Variants in CGNL1 observed in about 807,000 individuals in gnomAD.
CGNL1 encodes the protein cingulin-like protein 1.
CGNL1 carries 132 observed loss-of-function variants against 141.2 expected under a neutral mutation model. The observed-to-expected ratio is 0.93, with a 90% CI of 0.81 to 1.08. The LOEUF (loss-of-function observed/expected upper bound fraction) is 1.08, where lower values mean the gene tolerates loss of function less well. Ranked by LOEUF, CGNL1 falls within the 50% of genes least tolerant of loss-of-function variation. The pLI is 0.00. For synonymous variants in CGNL1, 690 were observed against 622.1 expected (o/e 1.11, Z -1.63); for missense variants, 1,870 against 1,588.6 (o/e 1.18, Z -3.01).
chr15:57,423,841 T>G (rs1664432), intron 1 of CGNL1, among the ~76,000 whole-genome samples: 148,865 of 152,230 alleles, frequency 0.98, 72,869 homozygotes, highest in Middle Eastern at 1. Flanking sequence ...TGATGATTCA[T>G]TGGATCTCGG....
chr15:57,399,441 C>G (rs1171094534), intron 1 of CGNL1, among the ~76,000 whole-genome samples: 3 of 151,648 alleles, frequency 2.0e-5, no homozygotes, highest in African/African-American at 7.3e-5. Context: ...CAATTTTGGG[C>G]TTTGTATTAT....
intron 8 of CGNL1, among the ~76,000 whole-genome samples, chr15:57,471,159 C>T (rs1023979091): frequency 7.2e-5 from 11 of 152,268 alleles, no homozygotes; most frequent in South Asian, 2.1e-4. Flanking sequence ...ATTTCCAGAG[C>T]GTAGGAGCTC....
chr15:57,435,744 C>A (rs547244655), intron 1 of CGNL1, among the ~76,000 whole-genome samples: 77 of 152,142 alleles, frequency 5.1e-4, no homozygotes, highest in Middle Eastern at 3.4e-3. Flanking sequence ...AGCCCCAAGA[C>A]AGAACAGAGA....
chr15:57,449,421 T>A (rs924101801), intron 4 of CGNL1, among the ~76,000 whole-genome samples: 8 of 152,226 alleles, frequency 5.3e-5, no homozygotes, highest in Non-Finnish European at 1.2e-4. Flanking sequence ...CAGAATAGTT[T>A]TAGGTTCTCA....
In CGNL1 at chr15:57,438,050, C is replaced by G. The variant is rs769742701; in HGVS notation, c.51C>G (p.Val17=). The G allele has an allele frequency of 2.0e-5, 32 of 1,613,914 alleles. No individual in the cohort carries two copies. Among genetic ancestry groups the G allele is most frequent in the Non-Finnish European group, 2.6e-5 (31 of 1,179,976 alleles). ...EYQHVQQEYG[V]HLRLASDDTQ... is the part of the protein sequence containing the mutation. ...AACATGTGCAGCAGGAATATGGGGT[C>G]CATCTGAGACTCGCAAGTGATGATA... The change falls in exon 2 of 19, where the codon GTC becomes GTG. Residue 17 remains valine (V), a synonymous_variant. Transcript: ENST00000281282.
rs767272519 is a variant in CGNL1 at position 57,438,522 on chromosome 15, C to G, written c.523C>G (p.Leu175Val). ...TCACCAGCCTTCTGAGAGTAATTGG[C>G]TAAAAACGTTGACAGAAGAAGGCAT... ...QNHQPSESNW[L>V]KTLTEEGINN... Residue 175 changes from leucine (L) to valine (V), a missense_variant, in exon 2 of 19, where the codon CTA becomes GTA. Leu to Val is a conservative substitution (Grantham distance 32). Coordinates refer to ENST00000281282, the MANE Select transcript of CGNL1 (RefSeq NM_032866.5). The G allele has an allele frequency of 5.6e-6, 9 of 1,614,078 alleles. No individual in the cohort carries two copies. The highest frequency in any genetic ancestry group is 7.6e-6 in the Non-Finnish European group (9 of 1,180,040).
At chr15:57,453,908 T>C (rs1795049363) in intron 7 of CGNL1, 90 bp downstream of exon 7, 2 of 1,453,782 alleles carry the variant, frequency 1.4e-6, no homozygotes, top group Non-Finnish European at 1.9e-6. Context: ...CAAGCCACTT[T>C]CTGATGTGCA....
chr15:57,438,736 G>C lies in CGNL1; in HGVS notation c.737G>C (p.Gly246Ala), dbSNP rs771038713. Residue 246 changes from glycine to alanine, a missense_variant, in exon 2 of 19, where the codon GGA (glycine) becomes GCA (alanine). Gly to Ala is a moderately conservative substitution (Grantham distance 60). Coordinates refer to ENST00000281282, the MANE Select transcript of CGNL1 (RefSeq NM_032866.5). ...NVQSCTKERV[G>A]EEALFTSGRP... is the part of the protein sequence containing the mutation. ...CAGAGCTGCACCAAGGAGAGGGTGG[G>C]AGAGGAGGCCCTTTTCACTAGCGGG... 1 of 1,614,044 alleles carries C rather than the reference G, an allele frequency of 6.2e-7. No individual in the cohort carries two copies. The highest frequency in any genetic ancestry group is 8.5e-7 in the Non-Finnish European group (1 of 1,180,044).
chr15:57,512,208 T>C (rs1201358235), intron 8 of CGNL1, among the ~76,000 whole-genome samples: 2 of 152,244 alleles, frequency 1.3e-5, no homozygotes, highest in African/African-American at 4.8e-5. Flanking sequence ...CTGCCATGTT[T>C]CTTTTCTTCA....
intron 8 of CGNL1, among the ~76,000 whole-genome samples, chr15:57,514,338 G>A (rs1264061266): frequency 6.6e-6 from 1 of 152,110 alleles, no homozygotes; most frequent in Non-Finnish European, 1.5e-5. Flanking sequence ...TTTTAGTAGA[G>A]ATGGGGTTTT....
At chr15:57,446,542 C>G (rs2063254421) in intron 4 of CGNL1, among the ~76,000 whole-genome samples, 1 of 152,090 alleles carries the variant, frequency 6.6e-6, no homozygotes. Flanking sequence ...ATTAATGTTG[C>G]ATATACTGGT....
chr15:57,417,796 A>G (rs1212719338), intron 1 of CGNL1, among the ~76,000 whole-genome samples: 2 of 152,202 alleles, frequency 1.3e-5, no homozygotes, highest in Non-Finnish European at 2.9e-5. Context: ...AATATTAATT[A>G]AAACAAAAAT....
chr15:57,507,134 T>C (rs2064114199), intron 8 of CGNL1, among the ~76,000 whole-genome samples: 1 of 152,232 alleles, frequency 6.6e-6, no homozygotes. Context: ...CTGTATGGAT[T>C]TGCCTATTCT....
Position 57,439,412 on chromosome 15 carries a change from G to A in CGNL1, c.1413G>A (p.Leu471=), listed in dbSNP as rs2063155293. The change falls in exon 2 of 19, where the codon CTG becomes CTA. Residue 471 remains leucine, a synonymous_variant. Transcript: ENST00000281282. ...AGCCGAACATAGATGGGAAAGTTCTGGAAACCGAAGGTAGTCAGGAAAGTA... is the reference window on the plus strand; with the variant it reads ...AGCCGAACATAGATGGGAAAGTTCTAGAAACCGAAGGTAGTCAGGAAAGTA... ...PPQPNIDGKV[L]ETEGSQESTV... The A allele has an allele frequency of 6.2e-7, 1 of 1,614,032 alleles. No homozygotes were observed. The highest frequency in any genetic ancestry group is 1.1e-5 in the South Asian group (1 of 91,092).
chr15:57,450,979 A>G (rs2063315298), intron 4 of CGNL1, among the ~76,000 whole-genome samples: 1 of 151,368 alleles, frequency 6.6e-6, no homozygotes, highest in Non-Finnish European at 1.5e-5. Context: ...AACCACTCTT[A>G]AGAAACACTA....
In CGNL1 at chr15:57,543,793, G is replaced by T. The variant is rs1489257930; in HGVS notation, c.3375+14G>T. The T allele has an allele frequency of 6.2e-7, 1 of 1,601,198 alleles. No homozygotes were observed. The highest frequency in any genetic ancestry group is 1.7e-5 in the Admixed American group (1 of 59,946). On this transcript the variant is annotated intron_variant, in intron 15 of 18. Coordinates refer to ENST00000281282, the MANE Select transcript of CGNL1 (RefSeq NM_032866.5). ...CTGGAGAGGCAGGTGAGGGCAGCCA[G>T]CCTGTGAGCTGCCCCCCCGTCCATC...
chr15:57,381,648 T>C lies in CGNL1; in HGVS notation c.-16+5081T>C, dbSNP rs148975726. ...ATACAAAGCTAAGTTCTCTCTACTG[T>C]TTCTCGCTCCTCTTAAGCTGAGCTG... On this transcript the variant is annotated intron_variant, in intron 1 of 18. Transcript: ENST00000281282. Among the ~76,000 whole-genome samples the C allele has an allele frequency of 1.2e-4, 18 of 152,334 alleles. No individual in the cohort carries two copies. In the East Asian group the frequency reaches 3.3e-3, roughly 28 times the overall value.
At position 57,439,287 on chromosome 15, in the gene CGNL1, C is replaced by CT; in HGVS notation, c.1289dup (p.Ser431ValfsTer46). ...TTCCCAGGTGTGCCCGCAGCGGCCA[C>CT]TGTCTCAGGAGCGCCGTGGGAAACA... On this transcript the variant is annotated frameshift_variant, in exon 2 of 19. Coordinates refer to ENST00000281282, the MANE Select transcript of CGNL1 (RefSeq NM_032866.5). LOFTEE classifies it high-confidence loss of function. 1.2e-6 allele frequency: 2 copies of CT among 1,614,096 alleles called. No individual in the cohort carries two copies. The highest frequency in any genetic ancestry group is 1.7e-6 in the Non-Finnish European group (2 of 1,180,048).
At chr15:57,470,477 G>A (rs1053413921) in intron 8 of CGNL1, among the ~76,000 whole-genome samples, 31 of 151,984 alleles carry the variant, frequency 2.0e-4, no homozygotes, top group African/African-American at 7.3e-4. Context: ...AAAACTCTGG[G>A]GGGCTGGGTA....
Sources: allele counts gnomAD v4.1 joint callset (sites outside exome capture counted in the v4.1 genomes callset), GRCh38; gene constraint gnomAD v4.1.1; transcripts MANE v1.5; gene names NCBI Gene and HGNC (gene_info 2026-07-23, HGNC 2026-07-21).